Variants in RBPJ observed in about 807,000 individuals in gnomAD.
RBPJ encodes recombining binding protein suppressor of hairless.
In RBPJ, 9 loss-of-function variants were observed where a neutral mutation model predicts 67.8. The observed-to-expected ratio is 0.13, with a 90% CI of 0.08 to 0.23. RBPJ has a LOEUF of 0.23. RBPJ is among the 10% of genes least tolerant of loss of function. The probability of loss-of-function intolerance (pLI) is 1.00; values close to 1 mark genes in which losing one functional copy is unlikely to be tolerated. For missense variants in RBPJ, 305 were observed against 595.6 expected, an observed-to-expected ratio of 0.51 and a Z score of 5.08; for synonymous variants, 198 against 203.3, an observed-to-expected ratio of 0.97 and a Z score of 0.22.
chr4:26,419,793 G>T (rs1445520976), intron 4 of RBPJ, among the ~76,000 whole-genome samples: 1 of 152,062 alleles, frequency 6.6e-6, no homozygotes, highest in Admixed American at 6.5e-5. Flanking sequence ...ATTTTGAAGG[G>T]TCTTTGCTGT....
intron 1 of RBPJ, among the ~76,000 whole-genome samples, chr4:26,255,131 G>T (rs1484036954): frequency 2.0e-5 from 3 of 148,014 alleles, no homozygotes; most frequent in Non-Finnish European, 3.0e-5. Flanking sequence ...TAGGCCGGGC[G>T]TGGTGGCTCA....
At chr4:26,272,551 A>G in intron 1 of RBPJ, 1 of 368,758 alleles carries the variant, frequency 2.7e-6, no homozygotes, top group Non-Finnish European at 5.3e-6. Context: ...AGCCTGGGTG[A>G]CAGAGCAAGA....
At chr4:26,352,663 A>G (rs1475924880) in intron 1 of RBPJ, among the ~76,000 whole-genome samples, 10 of 152,236 alleles carry the variant, frequency 6.6e-5, no homozygotes, top group Non-Finnish European at 1.0e-4. Flanking sequence ...AGATCGCACC[A>G]TTGCACTTCG....
intron 3 of RBPJ, 139 bp from the exon 4 acceptor site, chr4:26,415,336 G>T (rs564747043): frequency 2.9e-6 from 2 of 692,362 alleles, no homozygotes; most frequent in East Asian, 2.8e-5. Context: ...ATTACAAAAG[G>T]CTTCACCAAA....
intron 1 of RBPJ, among the ~76,000 whole-genome samples, chr4:26,272,219 A>G (rs931844128): frequency 5.9e-5 from 9 of 152,384 alleles, no homozygotes; most frequent in African/African-American, 2.2e-4. Flanking sequence ...TCTTCTAGAT[A>G]AAACTGAGAT....
the RBPJ span, among the ~76,000 whole-genome samples, chr4:26,149,767 A>G: frequency 6.6e-6 from 1 of 152,174 alleles, no homozygotes; most frequent in Non-Finnish European, 1.5e-5. Context: ...TTTGTAGATT[A>G]CTCAGTTTTT....
intron 1 of RBPJ, among the ~76,000 whole-genome samples, chr4:26,376,039 G>C (rs1729696314): frequency 6.6e-6 from 1 of 152,066 alleles, no homozygotes; most frequent in African/African-American, 2.4e-5. Context: ...CACTAACATA[G>C]GACCCTTCAC....
chr4:26,282,955 G>A (rs1409500962), intron 1 of RBPJ, among the ~76,000 whole-genome samples: 1 of 126,358 alleles, frequency 7.9e-6, no homozygotes, highest in Non-Finnish European at 1.6e-5. Context: ...TTTTGGGATG[G>A]AGTCTCGTTT....
the RBPJ span, chr4:26,112,755 C>CTTTTTT: frequency 1.1e-5 from 1 of 88,704 alleles, no homozygotes; most frequent in Non-Finnish European, 2.1e-5. Context: ...AAGGGAGAAT[C>CTTTTTT]TTTTTTTTTT....
intron 1 of RBPJ, among the ~76,000 whole-genome samples, chr4:26,266,811 C>T (rs1720717893): frequency 6.6e-6 from 1 of 152,150 alleles, no homozygotes; most frequent in Non-Finnish European, 1.5e-5. Context: ...GCAGATATTA[C>T]TGGTGGCATC....
chr4:26,369,192 T>G (rs1728915320), intron 1 of RBPJ, among the ~76,000 whole-genome samples: 1 of 152,236 alleles, frequency 6.6e-6, no homozygotes, highest in African/African-American at 2.4e-5. Context: ...CCTCTTAATT[T>G]ACAAACTGAG....
At chr4:26,344,517 G>C (rs527581130) in intron 1 of RBPJ, among the ~76,000 whole-genome samples, 2 of 152,308 alleles carry the variant, frequency 1.3e-5, no homozygotes, top group South Asian at 4.1e-4. Flanking sequence ...TTACAGGCGT[G>C]AGCCACCGCG....
chr4:26,238,602 C>A (rs80339340), intron 1 of RBPJ, among the ~76,000 whole-genome samples: 5,511 of 152,222 alleles, frequency 0.036, 131 homozygotes, highest in Middle Eastern at 0.095. Flanking sequence ...CCCAGCCTGA[C>A]TCAGTGTGTG....
At chr4:26,216,400 A>G (rs969291932) in intron 1 of RBPJ, among the ~76,000 whole-genome samples, 3 of 152,134 alleles carry the variant, frequency 2.0e-5, no homozygotes, top group African/African-American at 7.2e-5. Flanking sequence ...GGTAAATGTG[A>G]ATAAGCACAG....
intron 3 of RBPJ, among the ~76,000 whole-genome samples, chr4:26,408,741 G>A (rs529619739): frequency 2.7e-4 from 41 of 152,322 alleles, no homozygotes; most frequent in Non-Finnish European, 3.8e-4. Context: ...ATGTGTCCAG[G>A]TTGACATTAG....
At chr4:26,151,384 G>T in the RBPJ span, among the ~76,000 whole-genome samples, 1 of 152,172 alleles carries the variant, frequency 6.6e-6, no homozygotes, top group African/African-American at 2.4e-5. Context: ...ATGGGAATAT[G>T]TTCTGTGTTT....
intron 1 of RBPJ, among the ~76,000 whole-genome samples, chr4:26,234,499 A>C (rs1000501645): frequency 6.6e-6 from 1 of 152,024 alleles, no homozygotes; most frequent in Non-Finnish European, 1.5e-5. Context: ...CCACAGGCTC[A>C]TTTTCTTACC....
chr4:26,183,508 C>A (rs1717097530), intron 1 of RBPJ, among the ~76,000 whole-genome samples: 1 of 152,212 alleles, frequency 6.6e-6, no homozygotes, highest in Non-Finnish European at 1.5e-5. Flanking sequence ...TGGTGCAGCT[C>A]CCCTAAAGCC....
intron 1 of RBPJ, among the ~76,000 whole-genome samples, chr4:26,305,771 CTTTTTT>C (rs71276617): frequency 1.4e-3 from 96 of 67,772 alleles, no homozygotes; most frequent in Admixed American, 7.6e-3. Flanking sequence ...ATTTTCTTTT[CTTTTTT>C]TTTTTTTTTT....
Sources: allele counts gnomAD v4.1 joint callset (sites outside exome capture counted in the v4.1 genomes callset), GRCh38; gene constraint gnomAD v4.1.1; transcripts MANE v1.5; gene names NCBI Gene and HGNC (gene_info 2026-07-23, HGNC 2026-07-21).